The following PLEKHM3 variants were observed in gnomAD, a reference collection of about 807,000 sequenced individuals.
PLEKHM3 encodes the protein pleckstrin homology domain-containing family M member 3.
A neutral mutation model predicts 81.8 loss-of-function variants in PLEKHM3; 45 were observed. The ratio of observed to expected loss-of-function variants is 0.55; its 90% confidence interval spans 0.43 to 0.71. The LOEUF (loss-of-function observed/expected upper bound fraction) is 0.71, where lower values mean the gene tolerates loss of function less well. PLEKHM3 is among the 30% of genes least tolerant of loss of function. The pLI is 0.00. For missense variants in PLEKHM3, 788 were observed against 924.3 expected (o/e 0.85, Z 1.91); for synonymous variants, 352 against 356.4 (o/e 0.99, Z 0.14).
chr2:207,863,510 A>T (rs1012145295), intron 6 of PLEKHM3, among the ~76,000 whole-genome samples: 2 of 152,256 alleles, frequency 1.3e-5, no homozygotes, highest in African/African-American at 4.8e-5. Flanking sequence ...CTAGGCTCAC[A>T]GAAATAAAAT....
intron 2 of PLEKHM3, among the ~76,000 whole-genome samples, chr2:207,979,426 T>C (rs981605271): frequency 1.2e-4 from 18 of 151,606 alleles, no homozygotes; most frequent in African/African-American, 4.1e-4. Flanking sequence ...CCCAGCTACT[T>C]GGGAGGCTGA....
intron 6 of PLEKHM3, among the ~76,000 whole-genome samples, chr2:207,870,436 G>A (rs149757293): frequency 5.1e-4 from 77 of 152,298 alleles, no homozygotes; most frequent in African/African-American, 1.8e-3. Context: ...AAACAACTCC[G>A]TCTCTGAAAG....
chr2:207,946,169 G>T (rs760986734), intron 4 of PLEKHM3, among the ~76,000 whole-genome samples, 198 bp downstream of exon 4: 14 of 152,048 alleles, frequency 9.2e-5, no homozygotes, highest in Non-Finnish European at 1.5e-4. Context: ...TTTTAAATGA[G>T]GAAACTAATA....
chr2:207,977,259 C>T lies in PLEKHM3; in HGVS notation c.938G>A (p.Gly313Asp). The T allele has an allele frequency of 6.2e-7, 1 of 1,614,168 alleles. No individual in the cohort carries two copies. Among genetic ancestry groups the T allele is most frequent in the Non-Finnish European group, 8.5e-7 (1 of 1,180,024 alleles). The change falls in exon 3 of 8, where the codon GGT (glycine) becomes GAT (aspartate). Residue 313 changes from glycine (G) to aspartate (D), a missense_variant. Transcript: ENST00000427836. Reference protein sequence around the residue: ...LWEVVHAAVPGYMGRQNELTI... With the variant: ...LWEVVHAAVPDYMGRQNELTI... ...CAGCTCATTCTGCCGCCCCATGTAA[C>T]CGGGCACAGCAGCATGCACTACTTC...
chr2:207,991,882 C>T (rs545691366), intron 2 of PLEKHM3, among the ~76,000 whole-genome samples: 1 of 152,194 alleles, frequency 6.6e-6, no homozygotes, highest in South Asian at 2.1e-4. Context: ...CATAAGTCCT[C>T]GACATTCACT....
chr2:207,989,905 C>A (rs1691843215), intron 2 of PLEKHM3, among the ~76,000 whole-genome samples: 1 of 152,240 alleles, frequency 6.6e-6, no homozygotes, highest in African/African-American at 2.4e-5. Flanking sequence ...TCCTGGGAAA[C>A]TGCCCATGAA....
Position 207,821,878 on chromosome 2 carries a change from C to T in PLEKHM3, c.*6441G>A, listed in dbSNP as rs1389609057. Reference sequence around the variant, plus strand: ...ACAGGTGTGAGCCGCTGCGGCCAACCACTTTCCCTCCTTTGGCCATTCCTT... The same window carrying T: ...ACAGGTGTGAGCCGCTGCGGCCAACTACTTTCCCTCCTTTGGCCATTCCTT... On this transcript the variant is annotated 3_prime_UTR_variant, in exon 8 of 8. Coordinates refer to ENST00000427836, the MANE Select transcript of PLEKHM3 (RefSeq NM_001080475.3). The T allele has an allele frequency of 1.3e-5, 2 of 152,098 alleles. No individual in the cohort carries two copies. Among genetic ancestry groups the T allele is most frequent in the African/African-American group, 4.8e-5 (2 of 41,408 alleles). The allele number at this position is 152,098 out of a possible 1,614,324, so 9.4% of individuals were successfully genotyped here.
intron 7 of PLEKHM3, among the ~76,000 whole-genome samples, chr2:207,848,493 C>A (rs985882465): frequency 3.9e-5 from 6 of 152,220 alleles, no homozygotes; most frequent in Admixed American, 3.9e-4. Flanking sequence ...GAAAACACAG[C>A]TCTTGATGGA....
intron 3 of PLEKHM3, among the ~76,000 whole-genome samples, chr2:207,947,455 A>G (rs1690173102): frequency 6.6e-6 from 1 of 152,250 alleles, no homozygotes; most frequent in South Asian, 2.1e-4. Flanking sequence ...GATAGGAAGA[A>G]CTACCTTCTA....
intron 5 of PLEKHM3, among the ~76,000 whole-genome samples, chr2:207,925,144 T>G (rs1319515769): frequency 2.1e-5 from 3 of 143,150 alleles, no homozygotes; most frequent in Admixed American, 6.9e-5. Context: ...TTTTTTGTTT[T>G]TTGTTTTTTT....
At chr2:207,985,921 G>T (rs1691702264) in intron 2 of PLEKHM3, among the ~76,000 whole-genome samples, 1 of 151,598 alleles carries the variant, frequency 6.6e-6, no homozygotes, top group Admixed American at 6.6e-5. Context: ...CTGGGAGGTG[G>T]AGCTTGCAGT....
Position 207,980,368 on chromosome 2 carries a change from C to T in PLEKHM3, c.611-2782G>A, listed in dbSNP as rs572534793. 3.3e-5 allele frequency among the ~76,000 whole-genome samples: 5 copies of T among 152,166 alleles called. No homozygotes were observed. In the East Asian group the frequency reaches 7.7e-4, roughly 24 times the overall value. ...TGGGTGGACTGAATGAGAAGACCGG[C>T]GAGGGAATCTTCAAGGTTCCCTCAC... On this transcript the variant is annotated intron_variant, in intron 2 of 7. Coordinates refer to ENST00000427836, the MANE Select transcript of PLEKHM3 (RefSeq NM_001080475.3).
rs766718739 is a variant in PLEKHM3, at chr2:207,861,272, G to A, written c.1951-10C>T. Reference sequence around the variant, plus strand: ...GCTTTCCCTCTATTACCTGCAGAAAGAGAAATGGGACAGGGAAGCACATTT... The same window carrying A: ...GCTTTCCCTCTATTACCTGCAGAAAAAGAAATGGGACAGGGAAGCACATTT... On this transcript the variant is annotated splice_polypyrimidine_tract_variant and intron_variant, in intron 6 of 7. Coordinates refer to ENST00000427836, the MANE Select transcript of PLEKHM3 (RefSeq NM_001080475.3). 5.6e-6 allele frequency: 9 copies of A among 1,613,422 alleles called. No individual in the cohort carries two copies. The highest frequency in any genetic ancestry group is 2.5e-6 in the Non-Finnish European group (3 of 1,179,776).
chr2:207,859,524 T>C (rs2092455891), intron 7 of PLEKHM3, among the ~76,000 whole-genome samples: 1 of 152,176 alleles, frequency 6.6e-6, no homozygotes, highest in East Asian at 1.9e-4. Flanking sequence ...GATAGACAAT[T>C]AAGTTGTTTC....
chr2:207,943,439 T>C (rs1235557393), intron 4 of PLEKHM3, among the ~76,000 whole-genome samples: 2 of 152,182 alleles, frequency 1.3e-5, no homozygotes, highest in East Asian at 3.8e-4. Context: ...ATCAGGTAAT[T>C]GAAGTATGTT....
At chr2:207,864,541 G>C (rs891167729) in intron 6 of PLEKHM3, among the ~76,000 whole-genome samples, 1 of 152,188 alleles carries the variant, frequency 6.6e-6, no homozygotes, top group Non-Finnish European at 1.5e-5. Flanking sequence ...CCAGGATAGA[G>C]AACAGTCTGG....
intron 1 of PLEKHM3, among the ~76,000 whole-genome samples, chr2:208,019,383 C>T (rs1693044834): frequency 1.3e-5 from 2 of 152,094 alleles, no homozygotes; most frequent in Non-Finnish European, 2.9e-5. Flanking sequence ...CTGTTTTCCA[C>T]CACCATCACC....
At chr2:207,830,956 C>T (rs190363169) in intron 7 of PLEKHM3, among the ~76,000 whole-genome samples, 6 of 152,334 alleles carry the variant, frequency 3.9e-5, no homozygotes, top group East Asian at 1.9e-4. Flanking sequence ...AATGACCTTA[C>T]GCAAGTCACG....
chr2:207,869,400 T>A (rs914623889), intron 6 of PLEKHM3, among the ~76,000 whole-genome samples: 7 of 152,162 alleles, frequency 4.6e-5, no homozygotes, highest in Non-Finnish European at 1.0e-4. Flanking sequence ...TTTCTCCATA[T>A]ACCAAATTGC....
Sources: gnomAD v4.1 joint callset for allele counts (sites outside exome capture counted in the v4.1 genomes callset) on GRCh38, gnomAD v4.1.1 for gene constraint, MANE v1.5 for transcripts, NCBI Gene and HGNC (gene_info 2026-07-23, HGNC 2026-07-21) for gene names.